The following RBFOX1 variants were observed in gnomAD, a reference collection of about 807,000 sequenced individuals.
RBFOX1 encodes RNA binding protein fox-1 homolog 1.
In RBFOX1, 8 loss-of-function variants were observed where a neutral mutation model predicts 57.7. The observed-to-expected ratio is 0.14, with a 90% CI of 0.08 to 0.25. The LOEUF is 0.25. Among genes scored for constraint, RBFOX1 ranks in the 10% least tolerant of loss-of-function variants. RBFOX1 has a pLI of 1.00. For synonymous variants in RBFOX1, 326 were observed against 222.4 expected (o/e 1.47, Z -4.15); for missense variants, 611 against 548.5 (o/e 1.11, Z -1.14).
intron 3 of RBFOX1, among the ~76,000 whole-genome samples, chr16:6,818,294 T>A (rs2090548791): frequency 6.6e-6 from 1 of 152,092 alleles, no homozygotes; most frequent in African/African-American, 2.4e-5. Flanking sequence ...TGTGTGTGCG[T>A]CTTTCATTAC....
intron 3 of RBFOX1, among the ~76,000 whole-genome samples, chr16:6,854,066 A>AGAC (rs1303717043): frequency 1.1e-4 from 17 of 152,310 alleles, no homozygotes; most frequent in African/African-American, 4.1e-4. Flanking sequence ...CCTTCCAGAA[A>AGAC]TCCTATTTAT....
chr16:7,442,696 C>G (rs941540201), intron 4 of RBFOX1, among the ~76,000 whole-genome samples: 5 of 152,060 alleles, frequency 3.3e-5, no homozygotes, highest in Non-Finnish European at 5.9e-5. Context: ...GGTCATGAAT[C>G]TTTTACGAGG....
intron 1 of RBFOX1, among the ~76,000 whole-genome samples, chr16:6,085,660 G>GTGTGTGTGTT (rs2096073441): frequency 6.6e-6 from 1 of 152,066 alleles, no homozygotes; most frequent in Non-Finnish European, 1.5e-5. Context: ...TTGTGTGTGT[G>GTGTGTGTGTT]TGTGTGTGTC....
At chr16:5,492,046 C>G (rs1300805152) in intron 2 of RBFOX1, among the ~76,000 whole-genome samples, 1 of 152,156 alleles carries the variant, frequency 6.6e-6, no homozygotes, top group East Asian at 1.9e-4. Context: ...TCAGCGTTGC[C>G]TGGGAGCTTG....
intron 1 of RBFOX1, among the ~76,000 whole-genome samples, chr16:6,134,990 C>A (rs1000699984): frequency 3.9e-5 from 6 of 152,166 alleles, no homozygotes; most frequent in African/African-American, 1.4e-4. Flanking sequence ...TGCTGTCCGT[C>A]CCCCCTCCCC....
intron 4 of RBFOX1, among the ~76,000 whole-genome samples, chr16:7,475,749 C>T (rs749436182): frequency 1.3e-5 from 2 of 152,116 alleles, no homozygotes; most frequent in African/African-American, 4.8e-5. Context: ...CCTCAGATTC[C>T]CCATATGAGA....
intron 1 of RBFOX1, among the ~76,000 whole-genome samples, chr16:5,381,413 A>G (rs1288639855): frequency 1.3e-5 from 2 of 152,220 alleles, no homozygotes; most frequent in Non-Finnish European, 1.5e-5. Flanking sequence ...CAGGCACATA[A>G]ATCACTTGGA....
intron 1 of RBFOX1, among the ~76,000 whole-genome samples, chr16:5,332,987 A>G (rs999418526): frequency 2.6e-4 from 39 of 152,098 alleles, no homozygotes; most frequent in Non-Finnish European, 1.3e-4. Context: ...GGAGTTTGAG[A>G]CCAGCCTGAC....
chr16:6,434,251 G>A lies in RBFOX1; in HGVS notation c.-64+117194G>A, dbSNP rs190610902. On this transcript the variant is annotated intron_variant, in intron 2 of 15. Transcript: ENST00000550418. ...ACATAACATCTGCAAAGTCCATTTG[G>A]CTATGTAAGGTAACACATTCAGAGG... Among the ~76,000 whole-genome samples, 53 of 152,234 alleles carry A rather than the reference G, an allele frequency of 3.5e-4. No homozygotes were observed. The East Asian group carries it at 9.1e-3, about 26-fold the overall frequency.
chr16:6,796,006 G>C (rs1385641316), intron 3 of RBFOX1, among the ~76,000 whole-genome samples: 1 of 152,014 alleles, frequency 6.6e-6, no homozygotes, highest in Admixed American at 6.6e-5. Flanking sequence ...CATGGTTACT[G>C]TATTAGTCCA....
intron 2 of RBFOX1, among the ~76,000 whole-genome samples, chr16:5,596,001 T>C (rs981836483): frequency 6.6e-6 from 1 of 152,072 alleles, no homozygotes; most frequent in Non-Finnish European, 1.5e-5. Context: ...AGGCTTCCTG[T>C]GCTCCTGATG....
At chr16:7,009,645 TGG>T (rs2093553552) in intron 3 of RBFOX1, among the ~76,000 whole-genome samples, 1 of 152,152 alleles carries the variant, frequency 6.6e-6, no homozygotes, top group Non-Finnish European at 1.5e-5. Flanking sequence ...TTCTACCGTC[TGG>T]GCACTTGTCA....
chr16:7,135,590 A>G (rs943862419), intron 4 of RBFOX1, among the ~76,000 whole-genome samples: 1 of 152,250 alleles, frequency 6.6e-6, no homozygotes, highest in Non-Finnish European at 1.5e-5. Context: ...TTCATTTTTG[A>G]ATCTCTGAGC....
At chr16:7,659,020 C>G (rs2145249396) in intron 12 of RBFOX1, among the ~76,000 whole-genome samples, 1 of 152,304 alleles carries the variant, frequency 6.6e-6, no homozygotes, top group South Asian at 2.1e-4. Flanking sequence ...CCACCGCCCC[C>G]TGGCCATGTT....
intron 3 of RBFOX1, among the ~76,000 whole-genome samples, chr16:6,712,123 T>C (rs377345057): frequency 4.6e-5 from 7 of 152,204 alleles, no homozygotes; most frequent in African/African-American, 1.7e-4. Flanking sequence ...TTAACAAATA[T>C]TTATTGAATG....
chr16:6,916,722 T>C (rs1325969253), intron 3 of RBFOX1, among the ~76,000 whole-genome samples: 1 of 152,224 alleles, frequency 6.6e-6, no homozygotes, highest in African/African-American at 2.4e-5. Context: ...TTAAAAACTC[T>C]TGCATAAGCT....
intron 3 of RBFOX1, among the ~76,000 whole-genome samples, chr16:5,770,293 A>G (rs78601741): frequency 0.027 from 4,177 of 152,292 alleles, 183 homozygotes; most frequent in African/African-American, 0.094. Flanking sequence ...GATGGTGATG[A>G]AAGTGATCTC....
rs1029699155 is a variant in RBFOX1, at chr16:6,019,264, C to G, written c.-855C>G. The G allele has an allele frequency of 1.0e-6, 1 of 985,306 alleles. No individual in the cohort carries two copies. Among genetic ancestry groups the G allele is most frequent in the African/African-American group, 1.7e-5 (1 of 57,200 alleles). The allele number at this position is 985,306 out of a possible 1,614,324, so 61.0% of individuals were successfully genotyped here. ...ACCGCTCCCTCGATCACCCCAGCCC[C>G]CTTCCTGGTCTCCCGAGCGCGGGGT... is the stretch of plus-strand genomic sequence containing the variant. On this transcript the variant is annotated 5_prime_UTR_variant, in exon 1 of 16. Coordinates refer to ENST00000550418, the MANE Select transcript of RBFOX1 (RefSeq NM_018723.4). This position sits in a 1 kb window ranked among gnomAD's most constrained non-coding sequence, Gnocchi z 4.2.
At chr16:6,899,300 T>C (rs1852633379) in intron 3 of RBFOX1, among the ~76,000 whole-genome samples, 1 of 152,212 alleles carries the variant, frequency 6.6e-6, no homozygotes, top group South Asian at 2.1e-4. Flanking sequence ...TACATATGTG[T>C]ATGCATGTGT....
Sources: allele counts gnomAD v4.1 joint callset (sites outside exome capture counted in the v4.1 genomes callset), GRCh38; gene constraint gnomAD v4.1.1; non-coding constraint Gnocchi (gnomAD v3.1); transcripts MANE v1.5; gene names NCBI Gene and HGNC (gene_info 2026-07-23, HGNC 2026-07-21).